The following NOX5 variants were observed in gnomAD, a reference collection of about 807,000 sequenced individuals.
NOX5 encodes NADPH oxidase, EF-hand calcium binding domain 5.
NOX5 carries 76 observed loss-of-function variants against 85.7 expected under a neutral mutation model. That is an observed-to-expected ratio of 0.89 (90% CI 0.74 to 1.07). NOX5 has a LOEUF of 1.07. Ranked by LOEUF, NOX5 falls within the 50% of genes least tolerant of loss-of-function variation. The pLI is 0.00. For missense variants in NOX5, 973 were observed against 999.5 expected (o/e 0.97, Z 0.36); for synonymous variants, 405 against 401.4 (o/e 1.01, Z -0.11).
At position 69,038,985 on chromosome 15, in the gene NOX5, G is replaced by T; in HGVS notation, c.1500G>T (p.Gln500His). The change falls in exon 9 of 16, where the codon CAG becomes CAT. Residue 500 changes from glutamine to histidine, a missense_variant. Coordinates refer to ENST00000388866, the MANE Select transcript of NOX5 (RefSeq NM_024505.4). ...HPFTISSAPEQKDTIWLHIRS... is the reference protein window; with the variant it reads ...HPFTISSAPEHKDTIWLHIRS... Reference sequence around the variant, plus strand: ...TCACCATCAGCAGTGCTCCTGAGCAGAAAGGTAATGGCCACCTCCTCCAGT... The same window carrying T: ...TCACCATCAGCAGTGCTCCTGAGCATAAAGGTAATGGCCACCTCCTCCAGT... The T allele has an allele frequency of 6.2e-7, 1 of 1,614,126 alleles. No homozygotes were observed.
intron 10 of NOX5, among the ~76,000 whole-genome samples, chr15:69,045,581 CT>C (rs5813524): frequency 6.4e-4 from 15 of 23,396 alleles, no homozygotes; most frequent in Admixed American, 6.1e-3. Flanking sequence ...CCCTTTCTTT[CT>C]TTTCTTTCTT....
At chr15:69,055,224 G>A in intron 14 of NOX5, 110 bp from the exon 15 acceptor site, 1 of 1,202,930 alleles carries the variant, frequency 8.3e-7, no homozygotes, top group Non-Finnish European at 1.2e-6. Context: ...CTGGGCAAAA[G>A]ACCTATGGGT....
intron 1 of NOX5, among the ~76,000 whole-genome samples, chr15:69,018,897 C>T (rs574413692): frequency 1.3e-3 from 197 of 152,194 alleles, no homozygotes; most frequent in Admixed American, 2.6e-3. Context: ...GATGGGTTCT[C>T]TGTTGCCCAG....
rs35677555 is a variant in NOX5 at position 69,017,775 on chromosome 15, T to TACACAC, written c.50+3013_50+3018dup. 3.2e-3 allele frequency among the ~76,000 whole-genome samples: 469 copies of TACACAC among 146,834 alleles called. 2 individuals carry two copies. Among genetic ancestry groups the TACACAC allele is most frequent in the African/African-American group, 0.011 (448 of 40,168 alleles). On this transcript the variant is annotated intron_variant, in intron 1 of 15. Transcript: ENST00000388866. ...TTTGACTCTTTGTTGATATATTTTA[T>TACACAC]ACACACACACACACACACACACACA...
chr15:69,025,665 G>T (rs544627017), intron 1 of NOX5, among the ~76,000 whole-genome samples: 2 of 152,328 alleles, frequency 1.3e-5, no homozygotes, highest in East Asian at 3.9e-4. Flanking sequence ...AAGTCATTTA[G>T]GGTTATGTTA....
At chr15:69,053,236 A>G (rs2050771083) in intron 14 of NOX5, among the ~76,000 whole-genome samples, 1 of 152,230 alleles carries the variant, frequency 6.6e-6, no homozygotes, top group Non-Finnish European at 1.5e-5. Flanking sequence ...CCTTGGGCAT[A>G]TTATTTAACT....
chr15:69,044,643 A>T (rs1834062111), intron 10 of NOX5, among the ~76,000 whole-genome samples: 3 of 152,240 alleles, frequency 2.0e-5, no homozygotes, highest in Admixed American at 2.0e-4. Flanking sequence ...TAGTAAGTGG[A>T]AAAAGCAGGT....
intron 1 of NOX5, among the ~76,000 whole-genome samples, chr15:69,019,355 G>A (rs1467105449): frequency 6.6e-6 from 1 of 152,170 alleles, no homozygotes; most frequent in African/African-American, 2.4e-5. Context: ...GGAAAGTTCT[G>A]TATCTTGACT....
intron 3 of NOX5, 77 bp downstream of exon 3, chr15:69,028,442 C>T: frequency 2.8e-6 from 4 of 1,436,268 alleles, no homozygotes. Flanking sequence ...TTCACCTTGG[C>T]AGGCCTGGAG....
rs1486954826 is a variant in NOX5 at position 69,058,985 on chromosome 15, CA to C, written c.*2290del. The C allele has an allele frequency of 6.6e-6, 1 of 152,228 alleles. No homozygotes were observed. The allele number at this position is 152,228 out of a possible 1,614,324, so 9.4% of individuals were successfully genotyped here. Reference sequence around the variant, plus strand: ...TCAATGCACACACACACATGCATGTCACCGTTTTGGATTCTTTCCCATCTCT... The same window carrying C: ...TCAATGCACACACACACATGCATGTCCCGTTTTGGATTCTTTCCCATCTCT... On this transcript the variant is annotated 3_prime_UTR_variant, in exon 16 of 16. Coordinates refer to ENST00000388866, the MANE Select transcript of NOX5 (RefSeq NM_024505.4).
intron 8 of NOX5, 120 bp downstream of exon 8, chr15:69,037,330 C>A: frequency 9.7e-7 from 1 of 1,027,188 alleles, no homozygotes; most frequent in Non-Finnish European, 1.4e-6. Context: ...GTAGCTGCAG[C>A]CCCATTGCTA....
Position 69,062,543 on chromosome 15 carries a change from C to CT in NOX5, c.*5854dup, listed in dbSNP as rs999083010. 5 of 152,148 alleles carry CT rather than the reference C, an allele frequency of 3.3e-5. No individual in the cohort carries two copies. Among genetic ancestry groups the CT allele is most frequent in the Admixed American group, 6.5e-5 (1 of 15,284 alleles). 9.4% of individuals were successfully genotyped at this position (152,148 alleles called of 1,614,324 possible). Reference sequence around the variant, plus strand: ...TCAGGTCTTGGCAATGTCCACCTTGCTTTTTTTACTTTAAATAGCATCATT... The same window carrying CT: ...TCAGGTCTTGGCAATGTCCACCTTGCTTTTTTTTACTTTAAATAGCATCATT... On this transcript the variant is annotated 3_prime_UTR_variant, in exon 16 of 16. Transcript: ENST00000388866.
chr15:69,028,514 C>A (rs925369952), intron 3 of NOX5, 149 bp downstream of exon 3: 8 of 609,178 alleles, frequency 1.3e-5, no homozygotes, highest in Admixed American at 3.3e-5. Context: ...GCTGACACTT[C>A]CTTTCCTCAC....
Position 69,042,776 on chromosome 15 carries a change from A to G in NOX5, c.1618A>G (p.Thr540Ala). The change falls in exon 10 of 16, where the codon ACA becomes GCA. Residue 540 changes from threonine (T) to alanine (A), a missense_variant. Transcript: ENST00000388866. ...RGSKRLSRSVTMRKSQRSSKG... is the reference protein window; with the variant it reads ...RGSKRLSRSVAMRKSQRSSKG... ...TTCTAAGAGGCTGTCGAGGAGTGTGACAATGAGAAAGAGTCAAAGGTCGTC... is the reference window on the plus strand; with the variant it reads ...TTCTAAGAGGCTGTCGAGGAGTGTGGCAATGAGAAAGAGTCAAAGGTCGTC... The G allele has an allele frequency of 6.2e-7, 1 of 1,614,140 alleles. No individual in the cohort carries two copies. Among genetic ancestry groups the G allele is most frequent in the East Asian group, 2.2e-5 (1 of 44,886 alleles).
chr15:69,036,981 C>T lies in NOX5; in HGVS notation c.1189-47C>T, dbSNP rs367742989. On this transcript the variant is annotated intron_variant, in intron 7 of 15. Coordinates refer to ENST00000388866, the MANE Select transcript of NOX5 (RefSeq NM_024505.4). ...CCTGAGTCCTGGCTCTGTTCCACCC[C>T]CCAGGCCTTGAGCTCTGGAAGTTGA... 95 of 1,489,722 alleles carry T rather than the reference C, an allele frequency of 6.4e-5. 2 individuals are homozygous for T. In the South Asian group the frequency reaches 9.6e-4, roughly 15 times the overall value. 92.3% of individuals were successfully genotyped at this position (1,489,722 alleles called of 1,614,324 possible). A position where few individuals can be genotyped will look rare whatever the true frequency, so the allele number is the denominator to read the frequency against.
chr15:69,031,254 G>A (rs1160961259), intron 3 of NOX5: 2 of 528,974 alleles, frequency 3.8e-6, no homozygotes, highest in Non-Finnish European at 6.7e-6. Flanking sequence ...AAGTAAGCAG[G>A]TGTATTTTCT....
chr15:69,043,967 T>G (rs2050629696), intron 10 of NOX5, among the ~76,000 whole-genome samples: 1 of 152,150 alleles, frequency 6.6e-6, no homozygotes, highest in Non-Finnish European at 1.5e-5. Context: ...TGGCGGATCA[T>G]GAGGTCAGGA....
At chr15:69,051,311 A>G (rs2050745925) in intron 14 of NOX5, among the ~76,000 whole-genome samples, 2 of 152,028 alleles carry the variant, frequency 1.3e-5, no homozygotes, top group African/African-American at 4.8e-5. Flanking sequence ...TCTGGAAACC[A>G]TTGTTTCATG....
chr15:69,015,542 C>A (rs761499726), intron 1 of NOX5, among the ~76,000 whole-genome samples: 8 of 152,168 alleles, frequency 5.3e-5, no homozygotes, highest in Non-Finnish European at 1.2e-4. Flanking sequence ...CAGCATTTCT[C>A]CAGGTGCATG....
Sources: gnomAD v4.1 joint callset for allele counts (sites outside exome capture counted in the v4.1 genomes callset) on GRCh38, gnomAD v4.1.1 for gene constraint, MANE v1.5 for transcripts, NCBI Gene and HGNC (gene_info 2026-07-23, HGNC 2026-07-21) for gene names.